Variants in SLC22A9 observed in about 807,000 individuals in gnomAD.
The protein encoded by SLC22A9 is organic anion transporter 7.
A neutral mutation model predicts 50.1 loss-of-function variants in SLC22A9; 64 were observed. That is an observed-to-expected ratio of 1.28 (90% confidence interval 1.04 to 1.57). The LOEUF (loss-of-function observed/expected upper bound fraction) is 1.57, where lower values mean the gene tolerates loss of function less well. Among genes scored for constraint, SLC22A9 ranks in the 40% most tolerant of loss-of-function variants. The pLI, the probability that SLC22A9 is intolerant of heterozygous loss-of-function variation, is 0.00. For synonymous variants in SLC22A9, 261 were observed against 242.5 expected (o/e 1.08, Z -0.71); for missense variants, 757 against 676.1 (o/e 1.12, Z -1.33).
Position 63,409,818 on chromosome 11 carries a change from G to A in SLC22A9, c.1618G>A (p.Glu540Lys). 6.2e-7 allele frequency: 1 copy of A among 1,613,584 alleles called. No individual in the cohort carries two copies. Among genetic ancestry groups the A allele is most frequent in the Non-Finnish European group, 8.5e-7 (1 of 1,179,786 alleles). Residue 540 changes from glutamate to lysine, a missense_variant, in exon 10 of 10, where the codon GAA (glutamate) becomes AAA (lysine). Coordinates refer to ENST00000279178, the MANE Select transcript of SLC22A9 (RefSeq NM_080866.3). The part of the protein sequence containing the change: ...DEKNERKDPR[E>K]PKQEDPRVEV... ...TTGTTCTAGGAGAAAAGACCCCAGAGAACCAAAGCAAGAGGATCCGAGAGT... is the reference window on the plus strand; with the variant it reads ...TTGTTCTAGGAGAAAAGACCCCAGAAAACCAAAGCAAGAGGATCCGAGAGT...
intron 9 of SLC22A9, among the ~76,000 whole-genome samples, chr11:63,409,318 T>C (rs956003935): frequency 2.6e-5 from 4 of 152,138 alleles, no homozygotes; most frequent in Non-Finnish European, 4.4e-5. Flanking sequence ...ACTGAAGAAT[T>C]TGTGGAAGAG....
intron 5 of SLC22A9, among the ~76,000 whole-genome samples, chr11:63,380,314 C>T (rs764050315): frequency 6.6e-6 from 1 of 152,078 alleles, no homozygotes; most frequent in Non-Finnish European, 1.5e-5. Flanking sequence ...AATTACCATT[C>T]GACCCAGCAA....
At chr11:63,393,415 C>A (rs2014798744) in intron 6 of SLC22A9, among the ~76,000 whole-genome samples, 2 of 152,020 alleles carry the variant, frequency 1.3e-5, no homozygotes, top group South Asian at 4.1e-4. Context: ...TCAAGGTAAA[C>A]AATCATATCA....
chr11:63,399,653 C>CAA (rs1387987866), intron 6 of SLC22A9, among the ~76,000 whole-genome samples: 1 of 151,874 alleles, frequency 6.6e-6, no homozygotes, highest in South Asian at 2.1e-4. Flanking sequence ...GATGGAAAAT[C>CAA]AAAAAAGAAA....
chr11:63,375,787 A>G lies in SLC22A9; in HGVS notation c.954+19A>G, dbSNP rs746277408. 1.4e-5 allele frequency: 22 copies of G among 1,609,602 alleles called. No individual in the cohort carries two copies. The highest frequency in any genetic ancestry group is 1.9e-5 in the Non-Finnish European group (22 of 1,177,308). ...CCTGGAGGTGAGCTGGATGGGAGCT[A>G]GATATGGGATGTAGGGAAGACATAA... On this transcript the variant is annotated intron_variant, in intron 5 of 9. Coordinates refer to ENST00000279178, the MANE Select transcript of SLC22A9 (RefSeq NM_080866.3).
At chr11:63,391,357 G>C (rs1220027164) in intron 6 of SLC22A9, among the ~76,000 whole-genome samples, 4 of 152,056 alleles carry the variant, frequency 2.6e-5, no homozygotes, top group Non-Finnish European at 5.9e-5. Context: ...TGCAGATTAA[G>C]TCCAATGTTT....
Position 63,382,140 on chromosome 11 carries a change from G to A in SLC22A9, c.955-19G>A, listed in dbSNP as rs764248160. 5 of 1,584,814 alleles carry A rather than the reference G, an allele frequency of 3.2e-6. No homozygotes were observed. The highest frequency in any genetic ancestry group is 3.4e-6 in the Non-Finnish European group (4 of 1,161,372). The stretch of plus-strand genomic sequence containing the variant: ...TTTTCTGACAACTGTACAGTTTATT[G>A]TTTCTGCTATTGTTGAAGATTTTGA... On this transcript the variant is annotated intron_variant, in intron 5 of 9. Transcript: ENST00000279178.
intron 9 of SLC22A9, 145 bp downstream of exon 9, chr11:63,409,024 T>A: frequency 1.2e-6 from 1 of 832,928 alleles, no homozygotes; most frequent in Non-Finnish European, 2.0e-6. Flanking sequence ...TAGGTCTAGG[T>A]ACAGCCACAT....
chr11:63,390,977 G>A (rs964054303), intron 6 of SLC22A9, among the ~76,000 whole-genome samples: 1 of 151,928 alleles, frequency 6.6e-6, no homozygotes, highest in African/African-American at 2.4e-5. Context: ...ATACCTCTTA[G>A]TACTTCTTTT....
chr11:63,390,586 T>G (rs1262462170), intron 6 of SLC22A9, among the ~76,000 whole-genome samples: 2 of 151,670 alleles, frequency 1.3e-5, no homozygotes, highest in Non-Finnish European at 3.0e-5. Context: ...TAACCTTAAG[T>G]TACTGTAACT....
Position 63,370,403 on chromosome 11 carries a change from G to A in SLC22A9, c.347G>A (p.Cys116Tyr), listed in dbSNP as rs1286198535. ...ACAAGTGACGCAGACATGGAGCCCT[G>A]TGTGGATGGCTGGGTGTATGACAGA... ...PNTSDADMEP[C>Y]VDGWVYDRIS... Residue 116 changes from cysteine to tyrosine, a missense_variant, in exon 1 of 10, where the codon TGT becomes TAT. By Grantham distance (194) the Cys-to-Tyr change is radical (BLOSUM62 -2). Coordinates refer to ENST00000279178, the MANE Select transcript of SLC22A9 (RefSeq NM_080866.3). 1 of 1,612,074 alleles carries A rather than the reference G, an allele frequency of 6.2e-7. No individual in the cohort carries two copies. Among genetic ancestry groups the A allele is most frequent in the East Asian group, 2.2e-5 (1 of 44,896 alleles).
chr11:63,408,935 G>A (rs2015088234), intron 9 of SLC22A9, 56 bp downstream of exon 9: 4 of 1,580,238 alleles, frequency 2.5e-6, no homozygotes, highest in Non-Finnish European at 1.7e-6. Context: ...GGTCTGTGCT[G>A]AGGAAGGCAA....
At chr11:63,386,204 T>G (rs1241694994) in intron 6 of SLC22A9, among the ~76,000 whole-genome samples, 2 of 152,104 alleles carry the variant, frequency 1.3e-5, no homozygotes, top group Non-Finnish European at 2.9e-5. Context: ...AGTATTTTGT[T>G]GAGTATTTTT....
Position 63,370,527 on chromosome 11 carries a change from T to C in SLC22A9, c.402+69T>C, listed in dbSNP as rs529864909. 6.1e-4 allele frequency: 907 copies of C among 1,494,000 alleles called. 5 individuals carry two copies. The Middle Eastern group carries it at 6.4e-3, about 11-fold the overall frequency. The allele number at this position is 1,494,000 out of a possible 1,614,324, so 92.5% of individuals were successfully genotyped here. A position where few individuals can be genotyped will look rare whatever the true frequency, so the allele number is the denominator to read the frequency against. On this transcript the variant is annotated intron_variant, in intron 1 of 9. Coordinates refer to ENST00000279178, the MANE Select transcript of SLC22A9 (RefSeq NM_080866.3). ...TTTAGAATAACACAAGTAATAATCATGCTTCCAGCCTTCAGTCACATGTAG... is the reference window on the plus strand; with the variant it reads ...TTTAGAATAACACAAGTAATAATCACGCTTCCAGCCTTCAGTCACATGTAG...
chr11:63,409,661 A>T (rs1323536162), intron 9 of SLC22A9, 141 bp from the exon 10 acceptor site: 1 of 778,018 alleles, frequency 1.3e-6, no homozygotes, highest in Admixed American at 2.6e-5. Flanking sequence ...GGTTTACTCA[A>T]TCCCTTGGGG....
rs572768863 is a variant in SLC22A9 at position 63,405,026 on chromosome 11, C to A, written c.1074-1471C>A. Among the ~76,000 whole-genome samples the A allele has an allele frequency of 4.6e-5, 7 of 152,174 alleles. No homozygotes were observed. The East Asian group carries it at 1.2e-3, about 25-fold the overall frequency. On this transcript the variant is annotated intron_variant, in intron 6 of 9. Transcript: ENST00000279178. ...CATGTCAGATGAGGCAGAAATGAAG[C>A]AACTGGCTGAGAAACCAAAATCTCA...
chr11:63,389,184 T>C (rs538309), intron 6 of SLC22A9, among the ~76,000 whole-genome samples: 100,632 of 151,562 alleles, frequency 0.66, 33,528 homozygotes, highest in Non-Finnish European at 0.7. Flanking sequence ...TTTTTTTTTA[T>C]TTTAAGTTCT....
rs1162131098 is a variant in SLC22A9, at chr11:63,409,931, C to G, written c.*69C>G. ...GAACAATCAGGACTATTCCTAGACA[C>G]TAGCAAAATCTAGAAAATAAATAAC... On this transcript the variant is annotated 3_prime_UTR_variant, in exon 10 of 10. Coordinates refer to ENST00000279178, the MANE Select transcript of SLC22A9 (RefSeq NM_080866.3). 1.5e-5 allele frequency: 23 copies of G among 1,531,618 alleles called. No individual in the cohort carries two copies. The highest frequency in any genetic ancestry group is 2.1e-5 in the Non-Finnish European group (23 of 1,109,182). The allele number at this position is 1,531,618 out of a possible 1,614,324, so 94.9% of individuals were successfully genotyped here. A position where few individuals can be genotyped will look rare whatever the true frequency, so the allele number is the denominator to read the frequency against.
intron 6 of SLC22A9, among the ~76,000 whole-genome samples, chr11:63,391,124 A>C (rs957825334): frequency 6.6e-6 from 1 of 151,962 alleles, no homozygotes; most frequent in Non-Finnish European, 1.5e-5. Flanking sequence ...TGTTGATATG[A>C]TTTTCAAAAT....
Sources: allele counts gnomAD v4.1 joint callset (sites outside exome capture counted in the v4.1 genomes callset), GRCh38; gene constraint gnomAD v4.1.1; transcripts MANE v1.5; gene names NCBI Gene and HGNC (gene_info 2026-07-23, HGNC 2026-07-21).